TJP1: variants seen among roughly 807,000 people sequenced by gnomAD.
TJP1 encodes the protein tight junction protein 1.
In TJP1, 43 loss-of-function variants were observed where a neutral mutation model predicts 194.2. The observed-to-expected ratio is 0.22, with a 90% CI of 0.17 to 0.29. The LOEUF (loss-of-function observed/expected upper bound fraction) is 0.29, where lower values mean the gene tolerates loss of function less well. Ranked by LOEUF, TJP1 falls within the 10% of genes least tolerant of loss-of-function variation. The probability of loss-of-function intolerance (pLI) is 1.00; values close to 1 mark genes in which losing one functional copy is unlikely to be tolerated. For synonymous variants in TJP1, 801 were observed against 779.0 expected, an observed-to-expected ratio of 1.03 and a Z score of -0.47; for missense variants, 1,971 against 2,185.7, an observed-to-expected ratio of 0.90 and a Z score of 1.96.
chr15:29,759,044 A>C (rs768364471), intron 8 of TJP1: 1 of 152,230 alleles, frequency 6.6e-6, no homozygotes, highest in Non-Finnish European at 1.5e-5. Context: ...AATGCGAAAC[A>C]CTTTACAGTT....
At chr15:29,950,156 ACCACCACCACAACCACTACCT>A in intron 2 of TJP1, among the ~76,000 whole-genome samples, 3 of 101,462 alleles carry the variant, frequency 3.0e-5, no homozygotes, top group Non-Finnish European at 3.9e-5. Flanking sequence ...CACCACCTCC[ACCACCACCACAACCACTACCT>A]CCACCTCCAC....
intron 27 of TJP1, among the ~76,000 whole-genome samples, chr15:29,703,030 GAA>G (rs757952546): frequency 1.4e-4 from 21 of 152,178 alleles, no homozygotes; most frequent in Non-Finnish European, 2.6e-4. Flanking sequence ...TATCTCAGGA[GAA>G]AAAGTCATTT....
chr15:29,772,375 T>TA (rs1009510166), intron 3 of TJP1, among the ~76,000 whole-genome samples: 1 of 152,232 alleles, frequency 6.6e-6, no homozygotes, highest in African/African-American at 2.4e-5. Context: ...CACAGGTCCT[T>TA]AATTTTTTTA....
intron 2 of TJP1, among the ~76,000 whole-genome samples, chr15:29,779,417 A>G (rs2047215167): frequency 6.6e-6 from 1 of 152,070 alleles, no homozygotes; most frequent in African/African-American, 2.4e-5. Context: ...TTCCAAAAAC[A>G]TCCTTAAAAT....
intron 1 of TJP1, among the ~76,000 whole-genome samples, chr15:29,807,227 A>G (rs2049169798): frequency 6.6e-6 from 1 of 152,338 alleles, no homozygotes; most frequent in South Asian, 2.1e-4. Flanking sequence ...CTGGTTGATC[A>G]AAGCTGAAGG....
At position 29,741,583 on chromosome 15, in the gene TJP1, A is replaced by C. The variant is rs1188422674; in HGVS notation, c.1151-147T>G. 5 of 589,994 alleles carry C rather than the reference A, an allele frequency of 8.5e-6. No homozygotes were observed. In the South Asian group the frequency reaches 1.1e-4, roughly 13 times the overall value. 36.5% of individuals were successfully genotyped at this position (589,994 alleles called of 1,614,324 possible). A position where few individuals can be genotyped will look rare whatever the true frequency, so the allele number is the denominator to read the frequency against. On this transcript the variant is annotated intron_variant, in intron 9 of 27. Coordinates refer to ENST00000614355, the MANE Select transcript of TJP1 (RefSeq NM_001330239.4). ...TATTAGAGTACATTTTATAGTAATA[A>C]ATTCTGAAGTCTTTATAACAAGTAG...
chr15:29,867,835 T>C (rs1280294195), intron 2 of TJP1, among the ~76,000 whole-genome samples: 1 of 151,948 alleles, frequency 6.6e-6, no homozygotes, highest in Non-Finnish European at 1.5e-5. Context: ...GTAGGCAGAT[T>C]GCTTCAGCCC....
At chr15:29,748,814 T>C (rs2045009354) in intron 8 of TJP1, among the ~76,000 whole-genome samples, 1 of 152,014 alleles carries the variant, frequency 6.6e-6, no homozygotes, top group Non-Finnish European at 1.5e-5. Flanking sequence ...GTTCAAGTTA[T>C]CCTCCTACTT....
Position 29,720,467 on chromosome 15 carries a change from G to C in TJP1, c.2654C>G (p.Ser885Cys), listed in dbSNP as rs2042862464. Residue 885 changes from serine (S) to cysteine (C), a missense_variant, in exon 19 of 28, where the codon TCC (serine) becomes TGC (cysteine). Ser to Cys is a moderately radical substitution (Grantham distance 112). This residue lies in a region of TJP1 where 1,108 missense variants were observed against 1,128.5 expected (regional missense o/e 0.98). Transcript: ENST00000614355. ...TRSSEPVRED[S>C]SGMHHENQTY... ...TTGGTTTTCATGATGCATTCCAGAG[G>C]AGTCCTCTCTTACAGGCTCAGAGGA... 1 of 1,614,136 alleles carries C rather than the reference G, an allele frequency of 6.2e-7. No individual in the cohort carries two copies. The highest frequency in any genetic ancestry group is 8.5e-7 in the Non-Finnish European group (1 of 1,180,032).
chr15:29,939,585 G>T (rs376134433), intron 2 of TJP1, among the ~76,000 whole-genome samples: 2 of 152,122 alleles, frequency 1.3e-5, no homozygotes, highest in East Asian at 3.9e-4. Context: ...ATAAGAGAAG[G>T]CAAGGAAAAA....
chr15:29,820,955 C>T (rs1310760715), intron 1 of TJP1, among the ~76,000 whole-genome samples: 3 of 152,170 alleles, frequency 2.0e-5, no homozygotes, highest in Non-Finnish European at 4.4e-5. Flanking sequence ...TTCCTGCTCC[C>T]AGATGTTACG....
intron 15 of TJP1, chr15:29,729,327 ACTT>A (rs1289243785): frequency 1.3e-5 from 2 of 151,996 alleles, no homozygotes; most frequent in African/African-American, 2.4e-5. Context: ...ACAAAACAAA[ACTT>A]CTTCTGAAAA....
At chr15:29,869,677 ACAGACACCG>A (rs1426202907) in intron 2 of TJP1, among the ~76,000 whole-genome samples, 1 of 151,916 alleles carries the variant, frequency 6.6e-6, no homozygotes, top group African/African-American at 2.4e-5. Flanking sequence ...CAGGCACCTT[ACAGACACCG>A]CATCACCCGC....
At chr15:29,928,858 C>A (rs750176958) in intron 2 of TJP1, among the ~76,000 whole-genome samples, 1 of 152,044 alleles carries the variant, frequency 6.6e-6, no homozygotes, top group African/African-American at 2.4e-5. Context: ...AGGAGAATGG[C>A]GTGAACCCAG....
In TJP1 at chr15:29,709,050, G is replaced by C; in HGVS notation, c.4373-14C>G. 1 of 1,593,466 alleles carries C rather than the reference G, an allele frequency of 6.3e-7. No individual in the cohort carries two copies. Among genetic ancestry groups the C allele is most frequent in the Non-Finnish European group, 8.6e-7 (1 of 1,168,388 alleles). On this transcript the variant is annotated splice_polypyrimidine_tract_variant and intron_variant, in intron 24 of 27. Coordinates refer to ENST00000614355, the MANE Select transcript of TJP1 (RefSeq NM_001330239.4). ...ACACTGAATTACCTGAAAAACAAAC[G>C]TAAGCATTTAAATAACTTTCTGAAA...
intron 2 of TJP1, among the ~76,000 whole-genome samples, chr15:29,949,530 C>A (rs1231191462): frequency 3.5e-5 from 5 of 144,670 alleles, no homozygotes; most frequent in Non-Finnish European, 3.1e-5. Flanking sequence ...ACCACCACCA[C>A]CTCCACCACC....
intron 26 of TJP1, 143 bp from the exon 27 acceptor site, chr15:29,704,448 G>T: frequency 1.1e-6 from 1 of 905,470 alleles, no homozygotes; most frequent in Non-Finnish European, 1.5e-6. Flanking sequence ...ACAAAAAAAC[G>T]TAACAGCAGC....
At chr15:29,764,425 A>C (rs570325576) in intron 5 of TJP1, among the ~76,000 whole-genome samples, 51 of 152,318 alleles carry the variant, frequency 3.3e-4, no homozygotes, top group Non-Finnish European at 5.6e-4. Flanking sequence ...GAGAACTAAT[A>C]AAGAAAGGGG....
chr15:29,939,141 G>A (rs1313488128), intron 2 of TJP1, among the ~76,000 whole-genome samples: 2 of 152,178 alleles, frequency 1.3e-5, no homozygotes, highest in African/African-American at 4.8e-5. Flanking sequence ...CTTATGTAAG[G>A]TTCCCTCCCA....
Sources: gnomAD v4.1 joint callset for allele counts (sites outside exome capture counted in the v4.1 genomes callset) on GRCh38, gnomAD v4.1.1 for gene constraint, gnomAD v4.1.1 regional missense constraint, MANE v1.5 for transcripts, NCBI Gene and HGNC (gene_info 2026-07-23, HGNC 2026-07-21) for gene names.